The following TRPC4AP variants were observed in gnomAD, a reference collection of about 807,000 sequenced individuals.
TRPC4AP encodes the protein short transient receptor potential channel 4-associated protein.
TRPC4AP carries 45 observed loss-of-function variants against 99.0 expected under a neutral mutation model. The ratio of observed to expected loss-of-function variants is 0.45; its 90% CI spans 0.36 to 0.58. The LOEUF (loss-of-function observed/expected upper bound fraction) is 0.58, where lower values mean the gene tolerates loss of function less well. Ranked by LOEUF, TRPC4AP falls within the 20% of genes least tolerant of loss-of-function variation. The probability of loss-of-function intolerance (pLI) is 0.00; values close to 1 mark genes in which losing one functional copy is unlikely to be tolerated. For synonymous variants in TRPC4AP, 408 were observed against 385.8 expected, an observed-to-expected ratio of 1.06 and a Z score of -0.67; for missense variants, 879 against 985.3, an observed-to-expected ratio of 0.89 and a Z score of 1.44.
chr20:35,008,772 G>A, intron 12 of TRPC4AP, 25 bp from the exon 13 acceptor site: 1 of 1,606,958 alleles, frequency 6.2e-7, no homozygotes, highest in South Asian at 1.1e-5. Context: ...AGATATTGGT[G>A]ACAGATCTGA....
chr20:35,030,166 A>T (rs887598070), intron 8 of TRPC4AP, among the ~76,000 whole-genome samples: 18 of 146,970 alleles, frequency 1.2e-4, no homozygotes, highest in African/African-American at 4.2e-4. Context: ...ACTTGAACCC[A>T]GGAGGCGGAG....
At chr20:35,069,977 GC>G (rs2084261468) in intron 2 of TRPC4AP, among the ~76,000 whole-genome samples, 1 of 152,042 alleles carries the variant, frequency 6.6e-6, no homozygotes, top group African/African-American at 2.4e-5. Context: ...CTTCGCTCTT[GC>G]CATCCTGGAA....
intron 17 of TRPC4AP, 67 bp from the exon 18 acceptor site, chr20:35,003,683 G>T: frequency 6.5e-7 from 1 of 1,527,640 alleles, no homozygotes. Context: ...GTGAACCTGG[G>T]TAGCCATCAG....
intron 2 of TRPC4AP, 90 bp from the exon 3 acceptor site, chr20:35,069,502 G>A (rs2084248644): frequency 7.4e-6 from 6 of 806,732 alleles, no homozygotes; most frequent in Admixed American, 4.2e-5. Context: ...AGTCCCAACT[G>A]GAGTTCCCAT....
chr20:35,013,321 T>C (rs572408199), intron 10 of TRPC4AP, among the ~76,000 whole-genome samples: 1 of 152,316 alleles, frequency 6.6e-6, no homozygotes, highest in South Asian at 2.1e-4. Context: ...TGGTTACACC[T>C]GTAATCACAG....
At chr20:35,054,647 T>C (rs2083783654) in intron 5 of TRPC4AP, among the ~76,000 whole-genome samples, 1 of 152,176 alleles carries the variant, frequency 6.6e-6, no homozygotes, top group Admixed American at 6.5e-5. Context: ...GAAATAGGCA[T>C]AATGGAGTTA....
At chr20:35,043,217 T>C (rs897350585) in intron 7 of TRPC4AP, among the ~76,000 whole-genome samples, 2 of 152,208 alleles carry the variant, frequency 1.3e-5, no homozygotes, top group African/African-American at 4.8e-5. Context: ...TTCTAGTCTT[T>C]TGTTATTACA....
chr20:35,023,353 G>C (rs1268137777), intron 8 of TRPC4AP, among the ~76,000 whole-genome samples: 1 of 152,144 alleles, frequency 6.6e-6, no homozygotes, highest in Non-Finnish European at 1.5e-5. Flanking sequence ...AAGGTGCCTG[G>C]AACATAGCCC....
intron 11 of TRPC4AP, among the ~76,000 whole-genome samples, chr20:35,010,990 G>A (rs2082622833): frequency 1.3e-5 from 2 of 152,336 alleles, no homozygotes; most frequent in South Asian, 2.1e-4. Flanking sequence ...GCCGGGCGCG[G>A]TGGTTCACGT....
At chr20:35,020,487 G>A (rs951183092) in intron 9 of TRPC4AP, among the ~76,000 whole-genome samples, 1 of 152,044 alleles carries the variant, frequency 6.6e-6, no homozygotes, top group African/African-American at 2.4e-5. Flanking sequence ...ATTCTCTTCT[G>A]GACGTTTTCA....
rs553397192 is a variant in TRPC4AP at position 35,013,896 on chromosome 20, G to T, written c.1351-830C>A. 1.2e-3 allele frequency among the ~76,000 whole-genome samples: 182 copies of T among 152,334 alleles called. 1 individual carries two copies. Among genetic ancestry groups the T allele is most frequent in the African/African-American group, 4.2e-3 (176 of 41,580 alleles). On this transcript the variant is annotated intron_variant, in intron 10 of 18. Transcript: ENST00000252015. ...TGGCTCTGCCATGGTGCTGCTGGTG[G>T]GTGAAGGGGGCCCTCCCAAGAGCAG...
chr20:35,062,153 T>C (rs896919350), intron 3 of TRPC4AP, among the ~76,000 whole-genome samples: 7 of 152,158 alleles, frequency 4.6e-5, no homozygotes, highest in Non-Finnish European at 8.8e-5. Flanking sequence ...AAATAGTAAC[T>C]ATTGGCAAAG....
At chr20:35,033,617 G>A (rs1310441905) in intron 8 of TRPC4AP, among the ~76,000 whole-genome samples, 1 of 152,094 alleles carries the variant, frequency 6.6e-6, no homozygotes, top group Non-Finnish European at 1.5e-5. Flanking sequence ...TTCTGACCTT[G>A]GGAGAGTTCT....
At chr20:35,072,318 G>A (rs1444194904) in intron 2 of TRPC4AP, among the ~76,000 whole-genome samples, 1 of 152,146 alleles carries the variant, frequency 6.6e-6, no homozygotes, top group Non-Finnish European at 1.5e-5. Flanking sequence ...GGCTTTTGTT[G>A]CCATTGCTTT....
intron 2 of TRPC4AP, among the ~76,000 whole-genome samples, chr20:35,073,496 G>T: frequency 6.6e-6 from 1 of 152,262 alleles, no homozygotes; most frequent in Non-Finnish European, 1.5e-5. Flanking sequence ...AAGGGCTGTT[G>T]AATTTTGTCG....
At chr20:35,077,636 C>T (rs964060236) in intron 2 of TRPC4AP, among the ~76,000 whole-genome samples, 2 of 152,134 alleles carry the variant, frequency 1.3e-5, no homozygotes, top group African/African-American at 4.8e-5. Context: ...ATCATCAAAC[C>T]TGGCCCCTTC....
intron 9 of TRPC4AP, among the ~76,000 whole-genome samples, chr20:35,017,842 T>C (rs1010937852): frequency 2.0e-5 from 3 of 152,238 alleles, no homozygotes; most frequent in Admixed American, 6.5e-5. Context: ...CTCTTCCTAC[T>C]AGAAATCACA....
Position 35,013,031 on chromosome 20 carries a change from A to AAC in TRPC4AP, c.1385_1386insGT (p.Gln463PhefsTer20). 6.2e-7 allele frequency: 1 copy of AAC among 1,614,106 alleles called. No individual in the cohort carries two copies. Among genetic ancestry groups the AAC allele is most frequent in the Non-Finnish European group, 8.5e-7 (1 of 1,180,016 alleles). On this transcript the variant is annotated frameshift_variant, in exon 11 of 19. Transcript: ENST00000252015. LOFTEE classifies it high-confidence loss of function. ...ACTCGTGGTGGTCACTGAAGCTCTGAAGAAGCCTCAAAAACTGTATCTTCA... is the reference window on the plus strand; with the variant it reads ...ACTCGTGGTGGTCACTGAAGCTCTGAACAGAAGCCTCAAAAACTGTATCTTCA...
intron 3 of TRPC4AP, among the ~76,000 whole-genome samples, chr20:35,061,165 T>TA (rs2083997165): frequency 6.6e-6 from 1 of 152,088 alleles, no homozygotes; most frequent in African/African-American, 2.4e-5. Context: ...ATGTGATCAA[T>TA]ATACATAAAT....
Sources: gnomAD v4.1 joint callset for allele counts (sites outside exome capture counted in the v4.1 genomes callset) on GRCh38, gnomAD v4.1.1 for gene constraint, MANE v1.5 for transcripts, NCBI Gene and HGNC (gene_info 2026-07-23, HGNC 2026-07-21) for gene names.